C1orf146: variants seen among roughly 807,000 people sequenced by gnomAD.
C1orf146 encodes the protein chromosome 1 open reading frame 146.
In C1orf146, 22 loss-of-function variants were observed where a neutral mutation model predicts 23.0. That is an observed-to-expected ratio of 0.96 (90% CI 0.68 to 1.36). The LOEUF is 1.36. Among genes scored for constraint, C1orf146 ranks in the 40% most tolerant of loss-of-function variants. C1orf146 has a pLI of 0.00. For missense variants in C1orf146, 199 were observed against 206.8 expected (o/e 0.96, Z 0.23); for synonymous variants, 59 against 65.3 (o/e 0.90, Z 0.47).
At chr1:92,236,874 G>C (rs1401193580) in intron 2 of C1orf146, among the ~76,000 whole-genome samples, 2 of 152,058 alleles carry the variant, frequency 1.3e-5, no homozygotes, top group African/African-American at 4.8e-5. Context: ...TTCCATCGCT[G>C]ATACCCTTTC....
At position 92,225,110 on chromosome 1, in the gene C1orf146, C is replaced by CT. The variant is rs36035933; in HGVS notation, c.-39-6254dup. On this transcript the variant is annotated intron_variant, in intron 1 of 5. Transcript: ENST00000370375. The stretch of plus-strand genomic sequence containing the variant: ...TCATTCTTCTTTTCCGGTTTAGCCT[C>CT]TTTTTTTTTTTTTTTTTTCTTGAGA... Among the ~76,000 whole-genome samples the CT allele has an allele frequency of 3.5e-3, 424 of 120,538 alleles. 10 individuals carry two copies. In the East Asian group the frequency reaches 0.053, roughly 15 times the overall value. The allele number at this position is 120,538 out of a possible 152,430, so 79.1% of individuals were successfully genotyped here.
intron 2 of C1orf146, among the ~76,000 whole-genome samples, chr1:92,236,329 G>T (rs1652275484): frequency 3.3e-5 from 5 of 152,054 alleles, no homozygotes; most frequent in Admixed American, 3.3e-4. Context: ...CTCAGCATTT[G>T]CTTGTCTGTA....
intron 2 of C1orf146, among the ~76,000 whole-genome samples, chr1:92,234,074 C>A (rs1303580290): frequency 6.6e-6 from 1 of 152,162 alleles, no homozygotes; most frequent in Non-Finnish European, 1.5e-5. Flanking sequence ...AATTTGACTT[C>A]CTCTTTTCCT....
intron 3 of C1orf146, 95 bp from the exon 4 acceptor site, chr1:92,244,122 G>A (rs1045705544): frequency 6.0e-6 from 4 of 668,112 alleles, no homozygotes; most frequent in East Asian, 2.8e-5. Flanking sequence ...TTGGACACAT[G>A]TGGTATACTT....
At chr1:92,244,601 ACTT>A (rs1652525582) in intron 4 of C1orf146, among the ~76,000 whole-genome samples, 175 bp from the exon 5 acceptor site, 1 of 152,234 alleles carries the variant, frequency 6.6e-6, no homozygotes, top group East Asian at 1.9e-4. Context: ...AAAAGTGAAC[ACTT>A]TTTTAGTCAG....
rs763447102 is a variant in C1orf146, at chr1:92,231,471, T to C, written c.51T>C (p.Ile17=). The stretch of plus-strand genomic sequence containing the variant: ...TAAAATGGACAACCACCATTATTAT[T>C]AGCTCATCTCTTAAGGTAAAGGGGC... ...EKIKWTTTII[I]SSSLKSYEVA... is the part of the protein sequence containing the mutation. Residue 17 remains isoleucine (I), a synonymous_variant, in exon 2 of 6, where the codon ATT becomes ATC. Coordinates refer to ENST00000370375, the MANE Select transcript of C1orf146 (RefSeq NM_001012425.2). 6 of 1,610,846 alleles carry C rather than the reference T, an allele frequency of 3.7e-6. No individual in the cohort carries two copies. Among genetic ancestry groups the C allele is most frequent in the Non-Finnish European group, 5.1e-6 (6 of 1,178,838 alleles).
At chr1:92,242,427 C>T in intron 3 of C1orf146, 122 bp downstream of exon 3, 1 of 401,942 alleles carries the variant, frequency 2.5e-6, no homozygotes, top group Middle Eastern at 4.7e-4. Flanking sequence ...ATGTGTAAAA[C>T]TTTGTTACTA....
At chr1:92,218,743 C>T (rs547592810) in intron 1 of C1orf146, among the ~76,000 whole-genome samples, 1 of 152,222 alleles carries the variant, frequency 6.6e-6, no homozygotes, top group South Asian at 2.1e-4. Context: ...CCCTCTGTCC[C>T]TGCACGCTCA....
At chr1:92,226,399 G>GCACACACACACACACATA (rs1553129887) in intron 1 of C1orf146, among the ~76,000 whole-genome samples, 3 of 146,220 alleles carry the variant, frequency 2.1e-5, no homozygotes, top group African/African-American at 4.9e-5. Flanking sequence ...ATGCACGCAT[G>GCACACACACACACACATA]CACACACACA....
chr1:92,222,833 A>G (rs774877199), intron 1 of C1orf146, among the ~76,000 whole-genome samples: 10 of 151,656 alleles, frequency 6.6e-5, no homozygotes, highest in Non-Finnish European at 1.5e-4. Flanking sequence ...TGATCCGCCC[A>G]CCTCGGCCTC....
chr1:92,245,567 AT>A lies in C1orf146; in HGVS notation c.439del (p.Cys147AlafsTer4). ...KTTSKPYIDS[I>X]CYRMITAKAY... ...TACCTCCAAACCATACATAGATAGC[AT>A]TTGCTACAGAATGATAACAGCTAAA... On this transcript the variant is annotated frameshift_variant, in exon 6 of 6. Transcript: ENST00000370375. LOFTEE classifies it high-confidence loss of function. The A allele has an allele frequency of 6.3e-7, 1 of 1,596,570 alleles. No individual in the cohort carries two copies. Among genetic ancestry groups the A allele is most frequent in the Non-Finnish European group, 8.5e-7 (1 of 1,173,922 alleles).
intron 2 of C1orf146, among the ~76,000 whole-genome samples, chr1:92,240,361 G>T (rs972852928): frequency 6.6e-5 from 10 of 152,102 alleles, no homozygotes; most frequent in African/African-American, 2.4e-4. Flanking sequence ...GTGTATTCAA[G>T]CAGATTTTAA....
At chr1:92,236,592 G>A (rs1162284393) in intron 2 of C1orf146, among the ~76,000 whole-genome samples, 1 of 152,054 alleles carries the variant, frequency 6.6e-6, no homozygotes, top group Non-Finnish European at 1.5e-5. Context: ...GTGTCTTGGA[G>A]TTGCTCTTCT....
chr1:92,221,378 G>A (rs904693552), intron 1 of C1orf146, among the ~76,000 whole-genome samples: 3 of 152,082 alleles, frequency 2.0e-5, no homozygotes, highest in African/African-American at 4.8e-5. Flanking sequence ...TACCTTTTGG[G>A]TACTGTGCTC....
At chr1:92,245,427 C>A in intron 5 of C1orf146, 113 bp from the exon 6 acceptor site, 1 of 805,268 alleles carries the variant, frequency 1.2e-6, no homozygotes, top group Non-Finnish European at 2.0e-6. Context: ...GTATTTAGCA[C>A]AAAGATGATC....
chr1:92,234,094 G>C (rs1051113127), intron 2 of C1orf146, among the ~76,000 whole-genome samples: 2 of 151,924 alleles, frequency 1.3e-5, no homozygotes, highest in African/African-American at 4.8e-5. Context: ...TAATTGAATA[G>C]CCTTTATTTC....
At chr1:92,223,145 G>A (rs1432379361) in intron 1 of C1orf146, among the ~76,000 whole-genome samples, 4 of 152,144 alleles carry the variant, frequency 2.6e-5, no homozygotes, top group Non-Finnish European at 4.4e-5. Context: ...TTGTATAGAT[G>A]TATGCTTTCT....
intron 2 of C1orf146, among the ~76,000 whole-genome samples, chr1:92,238,317 G>A (rs1190012670): frequency 6.6e-6 from 1 of 152,142 alleles, no homozygotes; most frequent in East Asian, 1.9e-4. Context: ...TGGGATGCTG[G>A]TATAAAAGTT....
intron 2 of C1orf146, among the ~76,000 whole-genome samples, chr1:92,237,924 C>T (rs1055273801): frequency 5.3e-5 from 8 of 151,910 alleles, no homozygotes; most frequent in Non-Finnish European, 8.8e-5. Flanking sequence ...GATAGACATA[C>T]TAGTTTTTGT....
Sources: allele counts gnomAD v4.1 joint callset (sites outside exome capture counted in the v4.1 genomes callset), GRCh38; gene constraint gnomAD v4.1.1; transcripts MANE v1.5; gene names NCBI Gene and HGNC (gene_info 2026-07-23, HGNC 2026-07-21).